The following PCDH15 variants were observed in gnomAD, a reference collection of about 807,000 sequenced individuals.
PCDH15 encodes the protein protocadherin related 15.
A neutral mutation model predicts 178.5 loss-of-function variants in PCDH15; 129 were observed. The observed-to-expected ratio is 0.72, with a 90% confidence interval of 0.63 to 0.84. The LOEUF (loss-of-function observed/expected upper bound fraction) is 0.84, where lower values mean the gene tolerates loss of function less well. Among genes scored for constraint, PCDH15 ranks in the 40% least tolerant of loss-of-function variants. PCDH15 has a pLI of 0.00. For missense variants in PCDH15, 2,230 were observed against 2,099.9 expected (o/e 1.06, Z -1.21); for synonymous variants, 800 against 732.0 (o/e 1.09, Z -1.50).
At chr10:54,084,450 G>C (rs2094486149) in intron 16 of PCDH15, among the ~76,000 whole-genome samples, 1 of 151,508 alleles carries the variant, frequency 6.6e-6, no homozygotes, top group Non-Finnish European at 1.5e-5. Flanking sequence ...TCCAGTCTGG[G>C]AGACAGAACA....
At chr10:55,205,407 C>G in intron 1 of PCDH15, among the ~76,000 whole-genome samples, 1 of 151,752 alleles carries the variant, frequency 6.6e-6, no homozygotes, top group East Asian at 1.9e-4. Context: ...ATATGTAGGA[C>G]ATATAATTAT....
At chr10:54,429,444 C>T (rs1278489011) in intron 3 of PCDH15, among the ~76,000 whole-genome samples, 1 of 152,002 alleles carries the variant, frequency 6.6e-6, no homozygotes. Context: ...CATCAGAAAA[C>T]AAACAGCAAA....
chr10:55,186,221 T>G (rs1166311900), intron 1 of PCDH15, among the ~76,000 whole-genome samples: 1 of 151,590 alleles, frequency 6.6e-6, no homozygotes, highest in African/African-American at 2.4e-5. Context: ...AAGAATGGAT[T>G]AAAGTACATA....
chr10:55,509,062 AT>A (rs1840822890), intron 2 of PCDH15, among the ~76,000 whole-genome samples: 2 of 151,822 alleles, frequency 1.3e-5, no homozygotes, highest in Non-Finnish European at 2.9e-5. Context: ...ATGCAAATAC[AT>A]GACAGACAGT....
At position 54,425,311 on chromosome 10, in the gene PCDH15, A is replaced by G. The variant is rs543169606; in HGVS notation, c.158-46369T>C. ...TATCTTGGGAAGGAAACTGGTGGAT[A>G]TATAAGAAGGGGAAGATAGACCTGA... is the stretch of plus-strand genomic sequence containing the variant. On this transcript the variant is annotated intron_variant, in intron 3 of 37. Coordinates refer to ENST00000644397, the MANE Select transcript of PCDH15 (RefSeq NM_001384140.1). Among the ~76,000 whole-genome samples the G allele has an allele frequency of 3.6e-4, 55 of 152,214 alleles. 3 individuals are homozygous for G. The South Asian group carries it at 0.011, about 30-fold the overall frequency.
At chr10:54,873,695 T>TTTTATATATATATA (rs1554809277) in intron 3 of PCDH15, among the ~76,000 whole-genome samples, 13 of 138,928 alleles carry the variant, frequency 9.4e-5, no homozygotes, top group Non-Finnish European at 1.7e-4. Context: ...CTGCTGTATT[T>TTTTATATATATATA]TATATATATA....
chr10:54,457,815 TCAAA>T (rs747244042), intron 3 of PCDH15, among the ~76,000 whole-genome samples: 42 of 152,300 alleles, frequency 2.8e-4, no homozygotes, highest in South Asian at 8.3e-4. Context: ...CCAAAAGTTC[TCAAA>T]CAGTCTACAA....
chr10:54,350,560 A>G (rs1944010906), intron 5 of PCDH15, among the ~76,000 whole-genome samples: 1 of 152,236 alleles, frequency 6.6e-6, no homozygotes, highest in South Asian at 2.1e-4. Context: ...AATAGCCGAG[A>G]AAAAAGAAGA....
intron 2 of PCDH15, among the ~76,000 whole-genome samples, chr10:55,392,023 C>G (rs1837805225): frequency 1.3e-5 from 2 of 152,108 alleles, no homozygotes; most frequent in Non-Finnish European, 2.9e-5. Context: ...TGTGAATCAG[C>G]TGATAGAGGG....
chr10:54,400,951 A>G (rs1344274191), intron 3 of PCDH15, among the ~76,000 whole-genome samples: 1 of 152,046 alleles, frequency 6.6e-6, no homozygotes, highest in African/African-American at 2.4e-5. Flanking sequence ...AGTAAAGGGA[A>G]CATAGCTATA....
At chr10:55,385,616 G>C (rs1449315855) in intron 2 of PCDH15, among the ~76,000 whole-genome samples, 1 of 148,796 alleles carries the variant, frequency 6.7e-6, no homozygotes. Flanking sequence ...TTTCTGTGTA[G>C]GTTAATAACT....
At chr10:55,541,740 T>G (rs567612769) in intron 2 of PCDH15, among the ~76,000 whole-genome samples, 1 of 152,068 alleles carries the variant, frequency 6.6e-6, no homozygotes, top group African/African-American at 2.4e-5. Flanking sequence ...TATTCATTTT[T>G]ATTTGTACAT....
intron 2 of PCDH15, among the ~76,000 whole-genome samples, chr10:55,072,661 C>T (rs1591879622): frequency 6.6e-6 from 1 of 151,978 alleles, no homozygotes; most frequent in Non-Finnish European, 1.5e-5. Context: ...CCGAATTCTA[C>T]CAGAGGTACA....
chr10:55,332,840 C>T (rs1588922720), intron 2 of PCDH15, among the ~76,000 whole-genome samples: 1 of 152,284 alleles, frequency 6.6e-6, no homozygotes, highest in East Asian at 1.9e-4. Flanking sequence ...TGAGACCTCT[C>T]CAGCCATGTG....
intron 1 of PCDH15, among the ~76,000 whole-genome samples, chr10:55,292,777 G>A (rs1843040525): frequency 6.6e-6 from 1 of 152,202 alleles, no homozygotes. Context: ...CCATGGCCTT[G>A]GGCAGTTCTG....
intron 29 of PCDH15, among the ~76,000 whole-genome samples, chr10:53,836,309 C>A (rs971113198): frequency 6.6e-6 from 1 of 152,122 alleles, no homozygotes; most frequent in African/African-American, 2.4e-5. Context: ...AAGGCTTACA[C>A]ATGCAGGCTG....
At chr10:54,516,889 G>C (rs1355117760) in intron 3 of PCDH15, among the ~76,000 whole-genome samples, 1 of 152,290 alleles carries the variant, frequency 6.6e-6, no homozygotes, top group Non-Finnish European at 1.5e-5. Flanking sequence ...AGCCAGAAGA[G>C]AGTGGGGGCC....
chr10:54,246,552 G>T (rs930485144), intron 8 of PCDH15, among the ~76,000 whole-genome samples: 2 of 151,782 alleles, frequency 1.3e-5, no homozygotes, highest in African/African-American at 4.8e-5. Context: ...TCCATTAGAT[G>T]AATACATCAT....
intron 2 of PCDH15, among the ~76,000 whole-genome samples, chr10:55,580,414 G>C (rs1842592115): frequency 6.9e-6 from 1 of 145,606 alleles, no homozygotes; most frequent in Non-Finnish European, 1.5e-5. Context: ...CTGGAGTTAA[G>C]TGACATGATC....
Sources: gnomAD v4.1 joint callset for allele counts (sites outside exome capture counted in the v4.1 genomes callset) on GRCh38, gnomAD v4.1.1 for gene constraint, MANE v1.5 for transcripts, NCBI Gene and HGNC (gene_info 2026-07-23, HGNC 2026-07-21) for gene names.